The following CCNH variants were observed in gnomAD, a reference collection of about 807,000 sequenced individuals.
CCNH encodes the protein cyclin-H.
A neutral mutation model predicts 41.9 loss-of-function variants in CCNH; 31 were observed. The observed-to-expected ratio is 0.74, with a 90% CI of 0.56 to 1.00. The LOEUF (loss-of-function observed/expected upper bound fraction) is 1.00. Among genes scored for constraint, CCNH ranks in the 50% least tolerant of loss-of-function variants. The pLI, the probability that CCNH is intolerant of heterozygous loss-of-function variation, is 0.00. For missense variants in CCNH, 362 were observed against 388.4 expected (o/e 0.93, Z 0.57); for synonymous variants, 138 against 136.1 (o/e 1.01, Z -0.10).
chr5:87,334,125 A>T lies in CCNH; in HGVS notation c.*91-15228T>A, dbSNP rs147308305. 5.9e-5 allele frequency among the ~76,000 whole-genome samples: 9 copies of T among 152,280 alleles called. No homozygotes were observed. In the East Asian group the frequency reaches 1.7e-3, roughly 29 times the overall value. The stretch of plus-strand genomic sequence containing the variant: ...ATTTTTTTACGGAGAATAGGTTTAC[A>T]CAATGATAGATGGAGACAGTAAAGA... On this transcript the variant is annotated intron_variant and NMD_transcript_variant, in intron 9 of 9. Transcript: ENST00000645953.
rs185959982 is a variant in CCNH at position 87,320,524 on chromosome 5, A to G, written c.*91-1627T>C. On this transcript the variant is annotated intron_variant and NMD_transcript_variant, in intron 9 of 9. Transcript: ENST00000645953. ...CAGAAGGCAAAGGGGAAGCAAGAAC[A>G]TCTTCACATGGTGACAGGAGACAGA... Among the ~76,000 whole-genome samples the G allele has an allele frequency of 1.7e-3, 253 of 152,338 alleles. 1 individual carries two copies. Among genetic ancestry groups the G allele is most frequent in the Middle Eastern group, 6.8e-3 (2 of 294 alleles).
chr5:87,341,172 T>C (rs1280157390), intron 9 of CCNH: 1 of 548,896 alleles, frequency 1.8e-6, no homozygotes, highest in Non-Finnish European at 2.8e-6. Flanking sequence ...TCTTTTTTTA[T>C]ATAAACATAA....
intron 9 of CCNH, among the ~76,000 whole-genome samples, chr5:87,386,113 T>A (rs1205144306): frequency 6.6e-6 from 1 of 152,088 alleles, no homozygotes; most frequent in Non-Finnish European, 1.5e-5. Context: ...CTATACTTTT[T>A]TCTTTTTTGC....
intron 9 of CCNH, chr5:87,349,231 T>G: frequency 6.2e-7 from 1 of 1,612,008 alleles, no homozygotes; most frequent in Non-Finnish European, 8.5e-7. Flanking sequence ...AGTCTGCAGT[T>G]TTCTTGTGAG....
chr5:87,411,328 C>A lies in CCNH; in HGVS notation c.136G>T (p.Val46Phe), dbSNP rs747696109. The A allele has an allele frequency of 3.7e-6, 6 of 1,609,460 alleles. No homozygotes were observed. The South Asian group carries it at 5.6e-5, about 15-fold the overall frequency. The part of the protein sequence containing the change: ...ANGKVLPNDP[V>F]FLEPHEEMTL... ...ATTTCTTCATGAGGCTCAAGAAAGACTGGATCATTCGGAAGAACCTTTAGA... is the reference window on the plus strand; with the variant it reads ...ATTTCTTCATGAGGCTCAAGAAAGAATGGATCATTCGGAAGAACCTTTAGA... The change falls in exon 2 of 9, where the codon GTC becomes TTC. Residue 46 changes from valine to phenylalanine, a missense_variant. Coordinates refer to ENST00000256897, the MANE Select transcript of CCNH (RefSeq NM_001239.4).
chr5:87,354,139 GGGTGGGGTGGGAGGTGAGGAATCATTAAT>G (rs1475990130), intron 9 of CCNH, among the ~76,000 whole-genome samples: 1 of 151,988 alleles, frequency 6.6e-6, no homozygotes, highest in Non-Finnish European at 1.5e-5. Flanking sequence ...AATTGGTGGG[GGGTGGGGTGGGAGGTGAGGAATCATTAAT>G]CTGAAGCTAA....
At chr5:87,357,834 C>T (rs968959945) in intron 9 of CCNH, among the ~76,000 whole-genome samples, 1 of 152,158 alleles carries the variant, frequency 6.6e-6, no homozygotes, top group Non-Finnish European at 1.5e-5. Context: ...CTGAACAAAC[C>T]TCCAATTGGT....
intron 9 of CCNH, among the ~76,000 whole-genome samples, chr5:87,327,705 C>T (rs1757328232): frequency 6.6e-6 from 1 of 152,154 alleles, no homozygotes; most frequent in Admixed American, 6.5e-5. Context: ...TGGCTCACAC[C>T]TGTAATCTCA....
At chr5:87,411,198 T>A in intron 2 of CCNH, 26 bp downstream of exon 2, 1 of 1,594,524 alleles carries the variant, frequency 6.3e-7, no homozygotes, top group Non-Finnish European at 8.5e-7. Flanking sequence ...TAAAGGACAT[T>A]ATATTTCATC....
downstream of CCNH, among the ~76,000 whole-genome samples, chr5:87,313,813 C>T (rs1756105817): frequency 6.6e-6 from 1 of 152,076 alleles, no homozygotes; most frequent in Admixed American, 6.6e-5. Flanking sequence ...TTTCTGTAGA[C>T]AAAGGGATGG....
At position 87,338,533 on chromosome 5, in the gene CCNH, A is replaced by ATATATATATATATATAT. The variant is rs1491365794; in HGVS notation, c.*91-19637_*91-19636insATATATATATATATATA. 1.3e-3 allele frequency among the ~76,000 whole-genome samples: 119 copies of ATATATATATATATATAT among 91,202 alleles called. 3 individuals are homozygous for ATATATATATATATATAT. Among genetic ancestry groups the ATATATATATATATATAT allele is most frequent in the Middle Eastern group, 6.5e-3 (1 of 154 alleles). The allele number at this position is 91,202 out of a possible 152,430, so 59.8% of individuals were successfully genotyped here. ...TATATATATATATATATATATATATAAAATTTTTTTTTTTTTTAAGTAGAA... is the reference window on the plus strand; with the variant it reads ...TATATATATATATATATATATATATATATATATATATATATATAAATTTTTTTTTTTTTTAAGTAGAA... On this transcript the variant is annotated intron_variant and NMD_transcript_variant, in intron 9 of 9. Transcript: ENST00000645953.
intron 4 of CCNH, among the ~76,000 whole-genome samples, chr5:87,406,065 T>C (rs1254639785): frequency 6.6e-6 from 1 of 152,196 alleles, no homozygotes; most frequent in East Asian, 1.9e-4. Flanking sequence ...TCTTAATGTC[T>C]TTGATAATTC....
chr5:87,315,485 G>A (rs768555736), downstream of CCNH, among the ~76,000 whole-genome samples: 1 of 152,178 alleles, frequency 6.6e-6, no homozygotes, highest in Non-Finnish European at 1.5e-5. Context: ...TACTGTCAAT[G>A]TATGAATTTG....
intron 1 of CCNH, 22 bp from the exon 2 acceptor site, chr5:87,411,368 A>AAT (rs1489065972): frequency 1.3e-6 from 2 of 1,585,346 alleles, no homozygotes; most frequent in Non-Finnish European, 1.7e-6. Context: ...CAATTACAAC[A>AAT]CAAGTTCAAT....
intron 9 of CCNH, among the ~76,000 whole-genome samples, chr5:87,321,462 C>A (rs1235433007): frequency 1.3e-5 from 2 of 152,332 alleles, no homozygotes; most frequent in African/African-American, 4.8e-5. Context: ...AAGTCTGCAT[C>A]TCTGGAACTT....
At chr5:87,330,854 A>T (rs1463575187) in intron 9 of CCNH, 1 of 735,182 alleles carries the variant, frequency 1.4e-6, no homozygotes, top group Non-Finnish European at 1.9e-6. Context: ...AAATTAAAAT[A>T]GCATCCTTTA....
At position 87,338,535 on chromosome 5, in the gene CCNH, A is replaced by ATTTTTTTTTT. The variant is rs1561292521; in HGVS notation, c.*91-19639_*91-19638insAAAAAAAAAA. 4.9e-4 allele frequency among the ~76,000 whole-genome samples: 47 copies of ATTTTTTTTTT among 95,884 alleles called. 1 individual carries two copies. Among genetic ancestry groups the ATTTTTTTTTT allele is most frequent in the African/African-American group, 2.2e-3 (45 of 20,930 alleles). The allele number at this position is 95,884 out of a possible 152,430, so 62.9% of individuals were successfully genotyped here. Reference sequence around the variant, plus strand: ...TATATATATATATATATATATATAAAATTTTTTTTTTTTTTAAGTAGAAAT... The same window carrying ATTTTTTTTTT: ...TATATATATATATATATATATATAAATTTTTTTTTTATTTTTTTTTTTTTTAAGTAGAAAT... On this transcript the variant is annotated intron_variant and NMD_transcript_variant, in intron 9 of 9. Coordinates refer to the CCNH transcript ENST00000645953.
downstream of CCNH, chr5:87,389,318 C>T (rs140933281): frequency 4.1e-5 from 64 of 1,572,748 alleles, no homozygotes; most frequent in African/African-American, 1.1e-4. Context: ...GCAACAAGAG[C>T]GAAACTCTGT....
At chr5:87,338,520 T>TAC (rs1561292345) in intron 9 of CCNH, among the ~76,000 whole-genome samples, 32 of 100,880 alleles carry the variant, frequency 3.2e-4, no homozygotes, top group African/African-American at 1.1e-3. Context: ...TATATATATA[T>TAC]ATATATATAT....
Sources: allele counts gnomAD v4.1 joint callset (sites outside exome capture counted in the v4.1 genomes callset), GRCh38; gene constraint gnomAD v4.1.1; transcripts MANE v1.5; gene names NCBI Gene and HGNC (gene_info 2026-07-23, HGNC 2026-07-21).